Variants in CD36 observed in about 807,000 individuals in gnomAD.
The protein encoded by CD36 is CD36 molecule (CD36 blood group).
A neutral mutation model predicts 55.2 loss-of-function variants in CD36; 119 were observed. The ratio of observed to expected loss-of-function variants is 2.15; its 90% CI spans 1.86 to 2.51. The LOEUF is 2.51. Among genes scored for constraint, CD36 ranks in the 30% most tolerant of loss-of-function variants. CD36 has a pLI of 0.00. For synonymous variants in CD36, 186 were observed against 193.6 expected, an observed-to-expected ratio of 0.96 and a Z score of 0.33; for missense variants, 819 against 555.5, an observed-to-expected ratio of 1.47 and a Z score of -4.77.
At chr7:80,666,179 A>T in intron 7 of CD36, 2 of 430,716 alleles carry the variant, frequency 4.6e-6, no homozygotes, top group Non-Finnish European at 4.2e-6. Flanking sequence ...AATGTTTTTA[A>T]TTTTTTTCTT....
At chr7:80,635,363 C>T (rs866949883), upstream of CD36, among the ~76,000 whole-genome samples, 19 of 152,186 alleles carry the variant, frequency 1.2e-4, no homozygotes, top group African/African-American at 3.6e-4. Context: ...AAACCTCCGC[C>T]TCCCAGGTTC....
chr7:80,658,657 T>C (rs920449570), intron 4 of CD36, among the ~76,000 whole-genome samples: 15 of 152,242 alleles, frequency 9.9e-5, no homozygotes, highest in Middle Eastern at 3.4e-3. Flanking sequence ...TATACCCAGC[T>C]AATTTTTATG....
chr7:80,604,234 AGTAAATGATT>A (rs1792405646), intron 1 of CD36, among the ~76,000 whole-genome samples: 1 of 152,056 alleles, frequency 6.6e-6, no homozygotes, highest in South Asian at 2.1e-4. Context: ...CATCAGGAAA[AGTAAATGATT>A]GCAAACAGAT....
intron 1 of CD36, among the ~76,000 whole-genome samples, chr7:80,619,414 G>T (rs186504049): frequency 6.6e-6 from 1 of 152,064 alleles, no homozygotes; most frequent in East Asian, 1.9e-4. Context: ...TAAGAAATAG[G>T]AGGTGGGTGG....
chr7:80,646,989 A>C (rs1584369844), intron 3 of CD36, 129 bp downstream of exon 3: 1 of 966,022 alleles, frequency 1.0e-6, no homozygotes, highest in Non-Finnish European at 1.6e-6. Context: ...AAAGGTAATT[A>C]TGAACCACTG....
In CD36 at chr7:80,673,381, ATATTGTGCCTAT is replaced by A. The variant is rs550565800; in HGVS notation, c.1228_1239del (p.Ile410_Ile413del). The A allele has an allele frequency of 1.4e-4, 212 of 1,566,970 alleles. No homozygotes were observed. The East Asian group carries it at 4.7e-3, about 35-fold the overall frequency. ...GTATTAAAGAATCTGAAGAGGAACTATATTGTGCCTATTCTTTGGCTTAATGAGGTTTGTATT... is the reference window on the plus strand; with the variant it reads ...GTATTAAAGAATCTGAAGAGGAACTATCTTTGGCTTAATGAGGTTTGTATT... On this transcript the variant is annotated inframe_deletion, in exon 13 of 15. Coordinates refer to ENST00000447544, the MANE Select transcript of CD36 (RefSeq NM_001001548.3).
chr7:80,602,369 T>A (rs1277973641), exon 1 of CD36: 2 of 152,124 alleles, frequency 1.3e-5, no homozygotes, highest in African/African-American at 4.8e-5. Context: ...AGCAAGCTCT[T>A]CTAGAAGTTG....
At position 80,676,567 on chromosome 7, in the gene CD36, CATCAGT is replaced by C. The variant is rs957661416; in HGVS notation, c.*187_*192del. On this transcript the variant is annotated 3_prime_UTR_variant, in exon 15 of 15. Transcript: ENST00000447544. ...ATTCAACTGCAACAGTCTCCAGGACCATCAGTATACTGCATTTCATGTGCACCAAAT... is the reference window on the plus strand; with the variant it reads ...ATTCAACTGCAACAGTCTCCAGGACCATACTGCATTTCATGTGCACCAAAT... The C allele has an allele frequency of 2.6e-5, 4 of 152,126 alleles. No individual in the cohort carries two copies. The highest frequency in any genetic ancestry group is 9.7e-5 in the African/African-American group (4 of 41,428). 9.4% of individuals were successfully genotyped at this position (152,126 alleles called of 1,614,324 possible). A position where few individuals can be genotyped will look rare whatever the true frequency, so the allele number is the denominator to read the frequency against.
chr7:80,672,802 G>C lies in CD36; in HGVS notation c.1158G>C (p.Arg386=). ...ITGFTLQFAK[R]LQVNLLVKPS... ...GATTCACTTTACAATTTGCAAAACG[G>C]CTGCAGGTCAACCTATTGGTCAAGC... The change falls in exon 12 of 15, where the codon CGG becomes CGC. Residue 386 remains arginine (R), a synonymous_variant. Coordinates refer to ENST00000447544, the MANE Select transcript of CD36 (RefSeq NM_001001548.3). The C allele has an allele frequency of 6.2e-7, 1 of 1,610,890 alleles. No individual in the cohort carries two copies. Among genetic ancestry groups the C allele is most frequent in the Non-Finnish European group, 8.5e-7 (1 of 1,178,180 alleles).
At chr7:80,666,857 T>TA (rs1269301449) in intron 8 of CD36, among the ~76,000 whole-genome samples, 6 of 152,176 alleles carry the variant, frequency 3.9e-5, no homozygotes, top group African/African-American at 9.6e-5. Flanking sequence ...TTGAAAGAAT[T>TA]AAAAAAAGCT....
At chr7:80,662,592 T>G (rs1285953027) in intron 5 of CD36, 1 of 231,784 alleles carries the variant, frequency 4.3e-6, no homozygotes, top group Admixed American at 5.0e-5. Context: ...TGGCTTTTTT[T>G]TTTTTTAAGT....
At chr7:80,621,124 C>T (rs1005598531) in intron 1 of CD36, among the ~76,000 whole-genome samples, 4 of 152,022 alleles carry the variant, frequency 2.6e-5, no homozygotes, top group African/African-American at 9.7e-5. Flanking sequence ...GATTCTCTAC[C>T]AGCAAAAAGA....
chr7:80,672,677 C>A (rs1424366550), intron 11 of CD36, 93 bp from the exon 12 acceptor site: 7 of 848,974 alleles, frequency 8.2e-6, no homozygotes, highest in Admixed American at 2.0e-5. Context: ...CCTTAAGTTA[C>A]TACCTTCTCT....
upstream of CD36, among the ~76,000 whole-genome samples, chr7:80,633,744 G>A (rs970164706): frequency 2.0e-5 from 3 of 151,968 alleles, no homozygotes; most frequent in African/African-American, 4.8e-5. Flanking sequence ...GTGTGTGTAT[G>A]CCTAAATGTA....
chr7:80,638,410 A>T (rs568010205), upstream of CD36: 1 of 151,892 alleles, frequency 6.6e-6, no homozygotes, highest in South Asian at 2.1e-4. Flanking sequence ...CAAAAAAAAA[A>T]AAAATGCTGA....
In CD36 at chr7:80,678,262, A is replaced by G. The variant is rs1798223692; in HGVS notation, c.*1879A>G. The G allele has an allele frequency of 2.0e-5, 3 of 152,198 alleles. No homozygotes were observed. Among genetic ancestry groups the G allele is most frequent in the African/African-American group, 7.2e-5 (3 of 41,452 alleles). 9.4% of individuals were successfully genotyped at this position (152,198 alleles called of 1,614,324 possible). ...ATGGATGAATTTATATGTTTTAGTC[A>G]TAGAAAAATTGTACCCTTTGATAGA... On this transcript the variant is annotated 3_prime_UTR_variant, in exon 15 of 15. Coordinates refer to ENST00000447544, the MANE Select transcript of CD36 (RefSeq NM_001001548.3).
intron 8 of CD36, among the ~76,000 whole-genome samples, chr7:80,667,940 G>A (rs1245757721): frequency 1.3e-5 from 2 of 151,518 alleles, no homozygotes; most frequent in South Asian, 2.1e-4. Context: ...TAGTAGAGAC[G>A]GTTTCACCAT....
intron 5 of CD36, 62 bp downstream of exon 5, chr7:80,661,272 C>T: frequency 4.9e-6 from 7 of 1,438,490 alleles, no homozygotes; most frequent in Non-Finnish European, 6.8e-6. Flanking sequence ...GTAATTAATC[C>T]TATCATTAGA....
At chr7:80,654,960 G>A (rs1795938580) in intron 3 of CD36, among the ~76,000 whole-genome samples, 2 of 151,766 alleles carry the variant, frequency 1.3e-5, no homozygotes, top group South Asian at 4.2e-4. Context: ...TTTTTGTCAT[G>A]AATTCACTAC....
Sources: gnomAD v4.1 joint callset for allele counts (sites outside exome capture counted in the v4.1 genomes callset) on GRCh38, gnomAD v4.1.1 for gene constraint, MANE v1.5 for transcripts, NCBI Gene and HGNC (gene_info 2026-07-23, HGNC 2026-07-21) for gene names.